AOPEP: variants seen among roughly 807,000 people sequenced by gnomAD.
AOPEP encodes aminopeptidase O.
In AOPEP, 77 loss-of-function variants were observed where a neutral mutation model predicts 98.1. The ratio of observed to expected loss-of-function variants is 0.78; its 90% CI spans 0.65 to 0.95. AOPEP has a LOEUF of 0.95. Ranked by LOEUF, AOPEP falls within the 40% of genes least tolerant of loss-of-function variation. The probability of loss-of-function intolerance (pLI) is 0.00; values close to 1 mark genes in which losing one functional copy is unlikely to be tolerated. For missense variants in AOPEP, 1,024 were observed against 1,024.7 expected, an observed-to-expected ratio of 1.00 and a Z score of 0.01; for synonymous variants, 346 against 365.3, an observed-to-expected ratio of 0.95 and a Z score of 0.60.
chr9:95,091,255 G>A (rs1052360022), downstream of AOPEP, among the ~76,000 whole-genome samples: 1 of 152,216 alleles, frequency 6.6e-6, no homozygotes, highest in Non-Finnish European at 1.5e-5. Context: ...GGTGCTGGCA[G>A]GGAAGGAGGG....
chr9:94,955,841 C>CA, intron 8 of AOPEP, 67 bp from the exon 9 acceptor site: 1 of 1,110,370 alleles, frequency 9.0e-7, no homozygotes, highest in Non-Finnish European at 1.3e-6. Flanking sequence ...GTAGGGCTGA[C>CA]TATATAACCA....
At chr9:94,952,156 C>T (rs1263161422) in intron 7 of AOPEP, among the ~76,000 whole-genome samples, 3 of 152,226 alleles carry the variant, frequency 2.0e-5, no homozygotes, top group African/African-American at 7.2e-5. Context: ...GTGCATAGGG[C>T]TTAGTTCATC....
intron 5 of AOPEP, among the ~76,000 whole-genome samples, chr9:94,801,514 T>A (rs1196257787): frequency 1.3e-5 from 2 of 152,220 alleles, no homozygotes; most frequent in Non-Finnish European, 2.9e-5. Context: ...TCAGTGTAAA[T>A]CTATCCCTAC....
chr9:94,864,541 T>C (rs2045489650), intron 5 of AOPEP, among the ~76,000 whole-genome samples: 2 of 152,184 alleles, frequency 1.3e-5, no homozygotes. Flanking sequence ...CTAAAAAGTT[T>C]ATATCTGGGT....
intron 5 of AOPEP, among the ~76,000 whole-genome samples, chr9:94,832,668 C>A (rs1856252092): frequency 6.6e-6 from 1 of 152,172 alleles, no homozygotes; most frequent in Admixed American, 6.5e-5. Context: ...CCACACAATG[C>A]AGCACTATAG....
intron 5 of AOPEP, among the ~76,000 whole-genome samples, chr9:94,805,138 C>G (rs529353097): frequency 1.3e-5 from 2 of 152,120 alleles, no homozygotes; most frequent in East Asian, 3.9e-4. Context: ...GTCCATCATT[C>G]TAGGCAGACG....
At chr9:95,028,815 T>C (rs973796064) in intron 13 of AOPEP, among the ~76,000 whole-genome samples, 1 of 152,230 alleles carries the variant, frequency 6.6e-6, no homozygotes, top group East Asian at 1.9e-4. Flanking sequence ...AACTCACTTT[T>C]CCTTTAATTC....
chr9:94,813,866 C>T (rs773502046), intron 5 of AOPEP, among the ~76,000 whole-genome samples: 7 of 152,136 alleles, frequency 4.6e-5, no homozygotes, highest in East Asian at 3.9e-4. Flanking sequence ...GATTGATACT[C>T]GAGGGACCTC....
the AOPEP span, chr9:95,123,876 AG>A: frequency 3.7e-6 from 2 of 543,378 alleles, no homozygotes; most frequent in Non-Finnish European, 6.9e-6. Flanking sequence ...TAAGGAGTTG[AG>A]TCCTTAAAGT....
chr9:94,983,774 C>G (rs1192226597), intron 11 of AOPEP, among the ~76,000 whole-genome samples: 1 of 152,086 alleles, frequency 6.6e-6, no homozygotes, highest in African/African-American at 2.4e-5. Context: ...GGCATGCTTT[C>G]CTCTCCCTCT....
At chr9:95,007,777 T>G (rs1160020167) in intron 13 of AOPEP, among the ~76,000 whole-genome samples, 1 of 152,198 alleles carries the variant, frequency 6.6e-6, no homozygotes, top group Non-Finnish European at 1.5e-5. Context: ...GATTCAGAGC[T>G]TGCTGAGGCA....
At chr9:95,072,944 G>C (rs1409958673) in intron 14 of AOPEP, among the ~76,000 whole-genome samples, 1 of 152,184 alleles carries the variant, frequency 6.6e-6, no homozygotes, top group East Asian at 1.9e-4. Context: ...GAACCTCTTG[G>C]GTAGTGTGTG....
chr9:94,801,074 G>A (rs1848117752), intron 5 of AOPEP, 72 bp downstream of exon 5: 2 of 1,548,604 alleles, frequency 1.3e-6, no homozygotes, highest in Admixed American at 3.4e-5. Flanking sequence ...TGCTTTCCTT[G>A]AGCTCTGTCA....
At position 94,876,364 on chromosome 9, in the gene AOPEP, TTTTC is replaced by T. The variant is rs1170488663; in HGVS notation, c.1365-47618_1365-47615del. Among the ~76,000 whole-genome samples, 1,013 of 150,674 alleles carry T rather than the reference TTTTC, an allele frequency of 6.7e-3. 2 individuals are homozygous for T. The highest frequency in any genetic ancestry group is 0.011 in the Non-Finnish European group (751 of 67,626). On this transcript the variant is annotated intron_variant, in intron 5 of 16. Transcript: ENST00000375315. ...AACACATCAGTTGCTTTTTCTTTTC[TTTTC>T]TTTTTTTTTTTTTTGGAGATGGAGT...
At chr9:95,068,347 T>C (rs1014788547) in intron 14 of AOPEP, among the ~76,000 whole-genome samples, 12 of 152,210 alleles carry the variant, frequency 7.9e-5, no homozygotes, top group African/African-American at 1.2e-4. Flanking sequence ...TCTTTTTTAT[T>C]TTAGCCATCC....
At chr9:95,107,094 T>C in the AOPEP span, 1 of 1,614,200 alleles carries the variant, frequency 6.2e-7, no homozygotes, top group Non-Finnish European at 8.5e-7. Flanking sequence ...GGCGATCGTG[T>C]GGCCTCCAGG....
chr9:94,827,916 G>A (rs1256343190), intron 5 of AOPEP, among the ~76,000 whole-genome samples: 2 of 152,142 alleles, frequency 1.3e-5, no homozygotes, highest in East Asian at 3.8e-4. Context: ...TATTTAAAAA[G>A]ATTCCCATTT....
At chr9:95,148,811 GA>G in the AOPEP span, among the ~76,000 whole-genome samples, 2 of 152,212 alleles carry the variant, frequency 1.3e-5, no homozygotes, top group Non-Finnish European at 2.9e-5. Context: ...CATAATTTCA[GA>G]TTCCACATTG....
chr9:95,144,913 C>T, the AOPEP span, among the ~76,000 whole-genome samples: 12 of 152,156 alleles, frequency 7.9e-5, no homozygotes, highest in South Asian at 2.3e-3. Flanking sequence ...ACATAACGCT[C>T]GGACTCCTCA....
Sources: gnomAD v4.1 joint callset for allele counts (sites outside exome capture counted in the v4.1 genomes callset) on GRCh38, gnomAD v4.1.1 for gene constraint, MANE v1.5 for transcripts, NCBI Gene and HGNC (gene_info 2026-07-23, HGNC 2026-07-21) for gene names.